POF1B: variants seen among roughly 807,000 people sequenced by gnomAD.
POF1B encodes POF1B actin binding protein, also known as protein POF1B.
A neutral mutation model predicts 55.3 loss-of-function variants in POF1B; 53 were observed. The ratio of observed to expected loss-of-function variants is 0.96; its 90% CI spans 0.77 to 1.20. The LOEUF (loss-of-function observed/expected upper bound fraction) is 1.20, where lower values mean the gene tolerates loss of function less well. Among genes scored for constraint, POF1B ranks in the 50% most tolerant of loss-of-function variants. POF1B has a pLI of 0.00. For synonymous variants in POF1B, 188 were observed against 148.3 expected (o/e 1.27, Z -1.95); for missense variants, 478 against 420.5 (o/e 1.14, Z -1.20).
Position 85,321,104 on chromosome X carries a change from C to T in POF1B, c.855-5370G>A, listed in dbSNP as rs1932833344. On this transcript the variant is annotated intron_variant, in intron 7 of 16. Transcript: ENST00000262753. ...CTAATTCATTTTATGAGGCCAACAT[C>T]ATCCTGATACCAAAGCCGGGAAGAG... Among the ~76,000 whole-genome samples the T allele has an allele frequency of 2.7e-5, 3 of 111,764 alleles. No individual in the cohort carries two copies. The South Asian group carries it at 1.1e-3, about 42-fold the overall frequency.
chrX:85,279,061 A>G lies in POF1B; in HGVS notation c.*360T>C. ...ATATCAGAGAAAATCTTCTAATGGC[A>G]TGACTTGTAAAATCTCTACCCCAAC... On this transcript the variant is annotated 3_prime_UTR_variant, in exon 17 of 17. Coordinates refer to ENST00000262753, the MANE Select transcript of POF1B (RefSeq NM_024921.4). 1 of 155,654 alleles carries G rather than the reference A, an allele frequency of 6.4e-6. No individual in the cohort carries two copies. 12.8% of individuals were successfully genotyped at this position (155,654 alleles called of 1,213,427 possible).
intron 7 of POF1B, among the ~76,000 whole-genome samples, chrX:85,317,353 T>C (rs1337928460): frequency 9.1e-6 from 1 of 109,471 alleles, no homozygotes; most frequent in Non-Finnish European, 1.9e-5. Context: ...TTGGCCAAAC[T>C]GCTTTTCACA....
intron 11 of POF1B, 26 bp downstream of exon 11, chrX:85,307,137 T>A: frequency 9.3e-7 from 1 of 1,080,810 alleles, no homozygotes; most frequent in Non-Finnish European, 1.3e-6. Flanking sequence ...CAATGTAGAT[T>A]AACACCAATA....
At chrX:85,335,869 TTTTAG>T (rs1248277010) in intron 6 of POF1B, among the ~76,000 whole-genome samples, 1 of 110,529 alleles carries the variant, frequency 9.0e-6, no homozygotes, top group African/African-American at 3.3e-5. Flanking sequence ...CATAATGCTC[TTTTAG>T]TTATTTTTAA....
intron 6 of POF1B, among the ~76,000 whole-genome samples, chrX:85,334,865 C>G (rs931545068): frequency 9.0e-6 from 1 of 111,414 alleles, no homozygotes; most frequent in East Asian, 2.8e-4. Flanking sequence ...AAAGACAACA[C>G]ACTTAACCAA....
chrX:85,294,177 T>C (rs929261838), intron 15 of POF1B, among the ~76,000 whole-genome samples: 2 of 111,510 alleles, frequency 1.8e-5, no homozygotes, highest in Admixed American at 1.9e-4. Context: ...GAGAGAGAGT[T>C]TGACTTCTTT....
At chrX:85,307,138 A>G in intron 11 of POF1B, 25 bp downstream of exon 11, 2 of 1,082,699 alleles carry the variant, frequency 1.8e-6, no homozygotes, top group Non-Finnish European at 1.3e-6. Context: ...AATGTAGATT[A>G]ACACCAATAA....
chrX:85,377,061 T>C (rs1933934880), intron 2 of POF1B, among the ~76,000 whole-genome samples: 1 of 112,137 alleles, frequency 8.9e-6, no homozygotes, highest in African/African-American at 3.2e-5. Flanking sequence ...ATTAGGCTAA[T>C]TGCTACACAT....
chrX:85,308,638 C>CT (rs2053822842), intron 9 of POF1B, among the ~76,000 whole-genome samples: 1 of 111,357 alleles, frequency 9.0e-6, no homozygotes, highest in Non-Finnish European at 1.9e-5. Context: ...TTAAGTTTAA[C>CT]TTTAAAGTAT....
intron 15 of POF1B, 133 bp from the exon 16 acceptor site, chrX:85,282,450 A>G (rs1931925699): frequency 3.0e-6 from 1 of 337,188 alleles, no homozygotes; most frequent in African/African-American, 2.7e-5. Context: ...TTACTGAAAA[A>G]ACAAAAAAAT....
Position 85,346,041 on chromosome X carries a change from C to T in POF1B, c.542G>A (p.Gly181Glu), listed in dbSNP as rs942698932. The T allele has an allele frequency of 8.7e-7, 1 of 1,151,420 alleles. No individual in the cohort carries two copies. The highest frequency in any genetic ancestry group is 1.8e-5 in the African/African-American group (1 of 55,862). The allele number at this position is 1,151,420 out of a possible 1,213,427, so 94.9% of individuals were successfully genotyped here. ...ATGGCATTGAGCCTGAGGATGGCAC[C>T]CCTAAGACACATACACATGCCAAAA... ...RKVEKLNTDQGCHPQAQCHHH... is the reference protein window; with the variant it reads ...RKVEKLNTDQECHPQAQCHHH... The change falls in exon 6 of 17, where the codon GGG becomes GAG. Residue 181 changes from glycine (G) to glutamate (E), a missense_variant and splice_region_variant. By Grantham distance (98) the Gly-to-Glu change is moderately conservative. Coordinates refer to ENST00000262753, the MANE Select transcript of POF1B (RefSeq NM_024921.4).
intron 15 of POF1B, among the ~76,000 whole-genome samples, chrX:85,292,414 T>C (rs1569279369): frequency 9.0e-6 from 1 of 111,562 alleles, no homozygotes; most frequent in East Asian, 2.8e-4. Flanking sequence ...GTTGTATCTC[T>C]GCCAGGTTTT....
At chrX:85,291,241 T>C (rs769215655) in intron 15 of POF1B, among the ~76,000 whole-genome samples, 2 of 111,931 alleles carry the variant, frequency 1.8e-5, no homozygotes, top group South Asian at 7.5e-4. Context: ...ATCAGATTGT[T>C]ATAGGTGTCT....
chrX:85,345,245 C>A (rs965834922), intron 6 of POF1B, among the ~76,000 whole-genome samples: 1 of 110,949 alleles, frequency 9.0e-6, no homozygotes, highest in Non-Finnish European at 1.9e-5. Context: ...ACTTGTATAG[C>A]AGATGTTTAT....
At chrX:85,333,098 G>A (rs1361969060) in intron 6 of POF1B, among the ~76,000 whole-genome samples, 8 of 109,666 alleles carry the variant, frequency 7.3e-5, no homozygotes, top group Admixed American at 1.9e-4. Context: ...TTCCCAGTAC[G>A]TTCTCTCCTT....
intron 6 of POF1B, among the ~76,000 whole-genome samples, chrX:85,340,985 T>C (rs1473302823): frequency 9.0e-5 from 10 of 111,178 alleles, no homozygotes; most frequent in South Asian, 3.7e-4. Context: ...GTAAATGATA[T>C]TTTATAGCAA....
intron 4 of POF1B, among the ~76,000 whole-genome samples, chrX:85,359,032 A>G (rs1456662514): frequency 9.0e-6 from 1 of 111,265 alleles, no homozygotes; most frequent in East Asian, 2.8e-4. Context: ...CAGTAAAAAA[A>G]TGTAATTTTC....
intron 2 of POF1B, among the ~76,000 whole-genome samples, 161 bp from the exon 3 acceptor site, chrX:85,367,927 T>C (rs1933756383): frequency 1.8e-5 from 2 of 111,943 alleles, no homozygotes; most frequent in South Asian, 7.3e-4. Flanking sequence ...TAAATTACTT[T>C]GTTGTCTTCT....
rs1199855261 is a variant in POF1B, at chrX:85,379,332, C to T, written c.123G>A (p.Gln41=). Residue 41 remains glutamine, a synonymous_variant, in exon 2 of 17, where the codon CAG becomes CAA. Coordinates refer to ENST00000262753, the MANE Select transcript of POF1B (RefSeq NM_024921.4). ...CATACACTACATTTTTTTCTGGAGGCTGCTGGGCTTGGCTTGACTGATGGT... is the reference window on the plus strand; with the variant it reads ...CATACACTACATTTTTTTCTGGAGGTTGCTGGGCTTGGCTTGACTGATGGT... ...HCYHQSSQAQ[Q]PPEKNVVYER... 1.7e-6 allele frequency: 2 copies of T among 1,207,672 alleles called. No individual in the cohort carries two copies. The highest frequency in any genetic ancestry group is 3.5e-5 in the African/African-American group (2 of 56,488).
Sources: allele counts gnomAD v4.1 joint callset (sites outside exome capture counted in the v4.1 genomes callset), GRCh38; gene constraint gnomAD v4.1.1; transcripts MANE v1.5; gene names NCBI Gene and HGNC (gene_info 2026-07-23, HGNC 2026-07-21).